APAF1: variants seen among roughly 807,000 people sequenced by gnomAD.
APAF1 encodes the protein apoptotic protease-activating factor 1.
Under a neutral mutation model 152.4 loss-of-function variants are expected in APAF1, and 91 were observed. That is an observed-to-expected ratio of 0.60 (90% CI 0.50 to 0.71). The LOEUF (loss-of-function observed/expected upper bound fraction) is 0.71, where lower values mean the gene tolerates loss of function less well. Ranked by LOEUF, APAF1 falls within the 30% of genes least tolerant of loss-of-function variation. APAF1 has a pLI of 0.00. For missense variants in APAF1, 1,283 were observed against 1,472.0 expected (o/e 0.87, Z 2.10); for synonymous variants, 484 against 494.1 (o/e 0.98, Z 0.27).
At chr12:98,659,471 G>A (rs1344339319) in intron 5 of APAF1, 128 bp downstream of exon 5, 6 of 1,042,222 alleles carry the variant, frequency 5.8e-6, no homozygotes, top group African/African-American at 3.1e-5. Context: ...AACCATTGCG[G>A]CCAGGTGCAG....
At chr12:98,701,901 AT>A (rs1462943546) in intron 17 of APAF1, among the ~76,000 whole-genome samples, 1 of 152,172 alleles carries the variant, frequency 6.6e-6, no homozygotes, top group Non-Finnish European at 1.5e-5. Context: ...CTATTGTGGA[AT>A]AGGCAAGTTT....
At position 98,727,194 on chromosome 12, in the gene APAF1, G is replaced by T. The variant is rs184890158; in HGVS notation, c.3478G>T (p.Glu1160Ter). ...GTAGATATGGAATGTCTCAAACGGT[G>T]AGCTTCTTCATTTGTGTGCTCCGCT... ...EIRIWNVSNG[E>*]LLHLCAPLSE... is the part of the protein sequence containing the mutation. Residue 1160 changes from glutamate (E) to a stop codon, truncating the protein, a stop_gained, in exon 26 of 27, where the codon GAG (glutamate) becomes TAG (stop). Transcript: ENST00000551964. LOFTEE classifies it high-confidence loss of function. The T allele has an allele frequency of 6.2e-7, 1 of 1,614,004 alleles. No individual in the cohort carries two copies. Among genetic ancestry groups the T allele is most frequent in the African/African-American group, 1.3e-5 (1 of 74,910 alleles).
At chr12:98,663,143 T>C (rs12581734) in intron 7 of APAF1, among the ~76,000 whole-genome samples, 12,788 of 152,202 alleles carry the variant, frequency 0.084, 718 homozygotes, top group East Asian at 0.25. Flanking sequence ...AAAAATAGTG[T>C]TCTAATTTGG....
chr12:98,686,901 G>GGAAA, intron 16 of APAF1, 28 bp downstream of exon 16: 1 of 1,604,436 alleles, frequency 6.2e-7, no homozygotes, highest in Non-Finnish European at 8.5e-7. Context: ...ATTAAAATAG[G>GGAAA]TTGTATTTTA....
At chr12:98,665,276 A>ATTTTTTT (rs1198534474) in intron 7 of APAF1, among the ~76,000 whole-genome samples, 4 of 67,876 alleles carry the variant, frequency 5.9e-5, no homozygotes, top group Non-Finnish European at 1.1e-4. Flanking sequence ...ATATATATAT[A>ATTTTTTT]TATTTTTTTT....
chr12:98,713,928 G>A (rs1230693621), intron 21 of APAF1, among the ~76,000 whole-genome samples: 1 of 152,134 alleles, frequency 6.6e-6, no homozygotes, highest in Admixed American at 6.5e-5. Flanking sequence ...TTATGTCATG[G>A]ATTGAGAGTT....
chr12:98,724,566 C>G (rs1330029675), intron 24 of APAF1, among the ~76,000 whole-genome samples: 1 of 152,160 alleles, frequency 6.6e-6, no homozygotes, highest in Admixed American at 6.5e-5. Flanking sequence ...ACTCTTTTAC[C>G]TTGAAGCATT....
chr12:98,708,518 C>A lies in APAF1; in HGVS notation c.2722-67C>A, dbSNP rs868750587. The A allele has an allele frequency of 5.3e-6, 8 of 1,520,586 alleles. No individual in the cohort carries two copies. The African/African-American group carries it at 9.6e-5, about 18-fold the overall frequency. 94.2% of individuals were successfully genotyped at this position (1,520,586 alleles called of 1,614,324 possible). A position where few individuals can be genotyped will look rare whatever the true frequency, so the allele number is the denominator to read the frequency against. ...GTATTTTATGTGAAACATAGTTTGT[C>A]TCTCGCTTTAAGATGAAGACATGTT... On this transcript the variant is annotated intron_variant, in intron 19 of 26. Coordinates refer to ENST00000551964, the MANE Select transcript of APAF1 (RefSeq NM_181861.2).
At chr12:98,655,468 C>T (rs1442391223) in intron 4 of APAF1, among the ~76,000 whole-genome samples, 13 of 149,504 alleles carry the variant, frequency 8.7e-5, no homozygotes, top group Admixed American at 5.3e-4. Flanking sequence ...GCTGACCCCC[C>T]CACCTCCCTC....
At chr12:98,658,223 A>G (rs1278583090) in intron 4 of APAF1, among the ~76,000 whole-genome samples, 1 of 152,150 alleles carries the variant, frequency 6.6e-6, no homozygotes, top group Non-Finnish European at 1.5e-5. Context: ...AGTATAGTCT[A>G]TGAAGACTTA....
intron 4 of APAF1, among the ~76,000 whole-genome samples, chr12:98,652,690 G>C (rs991861312): frequency 6.6e-6 from 1 of 151,812 alleles, no homozygotes; most frequent in African/African-American, 2.4e-5. Flanking sequence ...GCCATGGCGC[G>C]ATCTTGGCTC....
At chr12:98,667,131 A>G (rs2097673918) in intron 9 of APAF1, among the ~76,000 whole-genome samples, 1 of 150,648 alleles carries the variant, frequency 6.6e-6, no homozygotes, top group Non-Finnish European at 1.5e-5. Flanking sequence ...TTTTTGAGAC[A>G]GGGTCTTACT....
chr12:98,674,441 C>T (rs2097684334), intron 12 of APAF1, among the ~76,000 whole-genome samples: 1 of 147,678 alleles, frequency 6.8e-6, no homozygotes, highest in East Asian at 1.9e-4. Flanking sequence ...AAGTGGAGGT[C>T]TCTCTCTCTC....
At chr12:98,667,764 GAT>G in intron 10 of APAF1, 120 bp downstream of exon 10, 17 of 383,414 alleles carry the variant, frequency 4.4e-5, no homozygotes, top group East Asian at 6.5e-5. Flanking sequence ...CTTTCCATTT[GAT>G]TTTTTTTTTT....
At chr12:98,686,567 GC>G (rs1188526595) in intron 15 of APAF1, among the ~76,000 whole-genome samples, 180 bp from the exon 16 acceptor site, 2 of 152,170 alleles carry the variant, frequency 1.3e-5, no homozygotes, top group African/African-American at 4.8e-5. Context: ...TCTAAAGGCT[GC>G]CCCATTGCTT....
chr12:98,710,541 AGACAGATG>A (rs1406358443), intron 20 of APAF1, among the ~76,000 whole-genome samples: 1 of 152,220 alleles, frequency 6.6e-6, no homozygotes, highest in Non-Finnish European at 1.5e-5. Context: ...CAGACAATTG[AGACAGATG>A]GACAGAGGGT....
intron 10 of APAF1, among the ~76,000 whole-genome samples, chr12:98,669,913 C>T (rs1308410625): frequency 7.4e-6 from 1 of 135,154 alleles, no homozygotes; most frequent in Non-Finnish European, 1.6e-5. Flanking sequence ...CTCCCCTCTT[C>T]CTGCCCTCCC....
At chr12:98,681,940 G>T (rs1321075348) in intron 14 of APAF1, among the ~76,000 whole-genome samples, 1 of 151,930 alleles carries the variant, frequency 6.6e-6, no homozygotes, top group African/African-American at 2.4e-5. Context: ...CCTCTAAAAA[G>T]TCAAAATCCC....
intron 13 of APAF1, 96 bp downstream of exon 13, chr12:98,677,647 A>G (rs2097688022): frequency 6.9e-7 from 1 of 1,452,298 alleles, no homozygotes. Flanking sequence ...GAAAATTGCA[A>G]CTTAGAAATA....
Sources: gnomAD v4.1 joint callset for allele counts (sites outside exome capture counted in the v4.1 genomes callset) on GRCh38, gnomAD v4.1.1 for gene constraint, MANE v1.5 for transcripts, NCBI Gene and HGNC (gene_info 2026-07-23, HGNC 2026-07-21) for gene names.